INTS3: variants seen among roughly 807,000 people sequenced by gnomAD.
The protein encoded by INTS3 is integrator complex subunit 3.
Under a neutral mutation model 146.3 loss-of-function variants are expected in INTS3, and 34 were observed. The observed-to-expected ratio is 0.23, with a 90% confidence interval of 0.18 to 0.31. The LOEUF (loss-of-function observed/expected upper bound fraction) is 0.31, where lower values mean the gene tolerates loss of function less well. Among genes scored for constraint, INTS3 ranks in the 10% least tolerant of loss-of-function variants. The pLI is 1.00. For synonymous variants in INTS3, 475 were observed against 494.9 expected, an observed-to-expected ratio of 0.96 and a Z score of 0.53; for missense variants, 757 against 1,304.2, an observed-to-expected ratio of 0.58 and a Z score of 6.46.
At chr1:153,759,405 A>G in intron 10 of INTS3, 121 bp from the exon 11 acceptor site, 1 of 735,032 alleles carries the variant, frequency 1.4e-6, no homozygotes, top group East Asian at 2.4e-5. Flanking sequence ...ACCGTGTTTC[A>G]CTAGGAACTG....
Position 153,772,093 on chromosome 1 carries a change from C to A in INTS3, c.2720+130C>A. 1 of 1,084,146 alleles carries A rather than the reference C, an allele frequency of 9.2e-7. No homozygotes were observed. The highest frequency in any genetic ancestry group is 1.3e-6 in the Non-Finnish European group (1 of 762,830). The allele number at this position is 1,084,146 out of a possible 1,614,324, so 67.2% of individuals were successfully genotyped here. A position where few individuals can be genotyped will look rare whatever the true frequency, so the allele number is the denominator to read the frequency against. ...TCCCAGCCTGGTTTGTGGGCGACAT[C>A]TAGTGGTCCGAAGCCACATGGCATG... is the stretch of plus-strand genomic sequence containing the variant. On this transcript the variant is annotated intron_variant, in intron 26 of 29. Coordinates refer to ENST00000318967, the MANE Select transcript of INTS3 (RefSeq NM_023015.5). This position sits in a 1 kb window ranked among gnomAD's most constrained non-coding sequence, Gnocchi z 4.6.
rs896589045 is a variant in INTS3, at chr1:153,752,221, G to T, written c.730-58G>T. On this transcript the variant is annotated intron_variant, in intron 7 of 29. Transcript: ENST00000318967. ...TGTTCCTTTGTCCTCCCTCCAGCAGGTAAACAATCCATGTTTTTATTCTCT... is the reference window on the plus strand; with the variant it reads ...TGTTCCTTTGTCCTCCCTCCAGCAGTTAAACAATCCATGTTTTTATTCTCT... 5 of 1,549,998 alleles carry T rather than the reference G, an allele frequency of 3.2e-6. No homozygotes were observed. In the African/African-American group the frequency reaches 6.8e-5, roughly 21 times the overall value.
At position 153,774,032 on chromosome 1, in the gene INTS3, G is replaced by A. The variant is rs1044023501; in HGVS notation, c.*762G>A. On this transcript the variant is annotated 3_prime_UTR_variant, in exon 30 of 30. Transcript: ENST00000318967. ...TGTTTTTTTTTTGGCAGAGATAATC[G>A]TGTCTTAAAAGTTGTTTTTAAATGA... is the stretch of plus-strand genomic sequence containing the variant. 2.5e-5 allele frequency: 4 copies of A among 158,880 alleles called. No homozygotes were observed. The highest frequency in any genetic ancestry group is 7.5e-5 in the African/African-American group (3 of 39,792). The allele number at this position is 158,880 out of a possible 1,614,324, so 9.8% of individuals were successfully genotyped here.
intron 6 of INTS3, 35 bp downstream of exon 6, chr1:153,748,790 G>T: frequency 2.0e-6 from 3 of 1,514,388 alleles, no homozygotes; most frequent in Non-Finnish European, 2.8e-6. Context: ...GTACAGGCCA[G>T]ATAATGGCCA....
At chr1:153,744,471 C>T (rs146427843) in intron 3 of INTS3, among the ~76,000 whole-genome samples, 61 of 152,366 alleles carry the variant, frequency 4.0e-4, no homozygotes, top group African/African-American at 1.4e-3. Flanking sequence ...CAGTAATTCA[C>T]TGGGACCCTT....
At chr1:153,730,128 G>A (rs547422319) in intron 1 of INTS3, among the ~76,000 whole-genome samples, 2 of 152,266 alleles carry the variant, frequency 1.3e-5, no homozygotes, top group South Asian at 4.1e-4. Flanking sequence ...AATGAACTTT[G>A]TGAATCAAGA....
intron 9 of INTS3, among the ~76,000 whole-genome samples, chr1:153,756,015 G>T (rs1156366559): frequency 6.6e-6 from 1 of 151,972 alleles, no homozygotes; most frequent in African/African-American, 2.4e-5. Flanking sequence ...ACTCCAGCCT[G>T]GGCAACAGAG....
At chr1:153,753,028 A>G (rs1672019315) in intron 8 of INTS3, among the ~76,000 whole-genome samples, 1 of 148,828 alleles carries the variant, frequency 6.7e-6, no homozygotes, top group Non-Finnish European at 1.5e-5. Flanking sequence ...TCGTGCATGC[A>G]CCCGCTCCCC....
chr1:153,733,152 T>G (rs1671147752), intron 1 of INTS3, among the ~76,000 whole-genome samples: 1 of 150,130 alleles, frequency 6.7e-6, no homozygotes, highest in African/African-American at 2.4e-5. Flanking sequence ...GAATTTAGTC[T>G]TTTAAGGCCA....
intron 25 of INTS3, among the ~76,000 whole-genome samples, 197 bp downstream of exon 25, chr1:153,770,930 C>G (rs1465949079): frequency 6.6e-6 from 1 of 152,152 alleles, no homozygotes; most frequent in African/African-American, 2.4e-5. Context: ...ACTTTACCCC[C>G]CTGCCCACCA....
chr1:153,763,627 G>T (rs771884356), intron 16 of INTS3, among the ~76,000 whole-genome samples: 5 of 152,212 alleles, frequency 3.3e-5, no homozygotes, highest in Non-Finnish European at 5.9e-5. Context: ...GGCAGGATTG[G>T]TGGGGATTTT....
At chr1:153,760,191 C>T in intron 11 of INTS3, 120 bp from the exon 12 acceptor site, 1 of 675,224 alleles carries the variant, frequency 1.5e-6, no homozygotes, top group East Asian at 2.9e-5. Context: ...GAGATCGTAC[C>T]ATTTGCACTC....
Position 153,764,829 on chromosome 1 carries a change from C to T in INTS3, c.1970+95C>T, listed in dbSNP as rs922361701. Reference sequence around the variant, plus strand: ...GTCCTGGGGTAATGGGACTCGCTTTCCAGGGAGGAGGACATATGCTGTGGG... The same window carrying T: ...GTCCTGGGGTAATGGGACTCGCTTTTCAGGGAGGAGGACATATGCTGTGGG... On this transcript the variant is annotated intron_variant, in intron 19 of 29. Coordinates refer to ENST00000318967, the MANE Select transcript of INTS3 (RefSeq NM_023015.5). 1.0e-5 allele frequency: 16 copies of T among 1,538,004 alleles called. No homozygotes were observed. The Admixed American group carries it at 2.2e-4, about 21-fold the overall frequency.
intron 1 of INTS3, among the ~76,000 whole-genome samples, chr1:153,732,134 C>T (rs1198010677): frequency 6.6e-6 from 1 of 151,974 alleles, no homozygotes; most frequent in African/African-American, 2.4e-5. Flanking sequence ...AACTCCTGAC[C>T]TCAGGTGATC....
intron 13 of INTS3, 43 bp downstream of exon 13, chr1:153,760,961 C>T (rs1299634409): frequency 6.3e-7 from 1 of 1,591,926 alleles, no homozygotes; most frequent in Non-Finnish European, 8.6e-7. Flanking sequence ...TCCCATTTTT[C>T]ATTAGGTCCA....
In INTS3 at chr1:153,763,856, C is replaced by A. The variant is rs1421352581; in HGVS notation, c.1791C>A (p.Val597=). The change falls in exon 17 of 30, where the codon GTC becomes GTA. Residue 597 remains valine (V), a synonymous_variant. Transcript: ENST00000318967. ...GTGATACGGAGGCCCAGTGTGAGGT[C>A]ATGCAGGAAATTGTGGACCAGGTCC... ...KGSDTEAQCE[V]MQEIVDQVLE... The A allele has an allele frequency of 4.5e-5, 73 of 1,613,882 alleles. No homozygotes were observed. Among genetic ancestry groups the A allele is most frequent in the Non-Finnish European group, 5.9e-5 (70 of 1,179,974 alleles).
At chr1:153,762,687 C>T (rs546695318) in intron 14 of INTS3, 41 bp from the exon 15 acceptor site, 32 of 1,612,000 alleles carry the variant, frequency 2.0e-5, no homozygotes, top group Non-Finnish European at 2.3e-5. Flanking sequence ...GTTAGAGGAC[C>T]CAGGAGGCCA....
intron 3 of INTS3, among the ~76,000 whole-genome samples, chr1:153,745,275 G>A (rs1241069176): frequency 6.6e-6 from 1 of 151,298 alleles, no homozygotes; most frequent in Non-Finnish European, 1.5e-5. Flanking sequence ...TCCCGCCTCA[G>A]CCTCCCTTGT....
chr1:153,769,690 C>A, intron 22 of INTS3, 79 bp from the exon 23 acceptor site: 1 of 927,152 alleles, frequency 1.1e-6, no homozygotes, highest in Non-Finnish European at 1.8e-6. Context: ...CTTACGAGCC[C>A]TCCTGCGTCC....
Sources: gnomAD v4.1 joint callset for allele counts (sites outside exome capture counted in the v4.1 genomes callset) on GRCh38, gnomAD v4.1.1 for gene constraint, Gnocchi (gnomAD v3.1) non-coding constraint, MANE v1.5 for transcripts, NCBI Gene and HGNC (gene_info 2026-07-23, HGNC 2026-07-21) for gene names.